The following GALK2 variants were observed in gnomAD, a reference collection of about 807,000 sequenced individuals.
The protein encoded by GALK2 is galactokinase 2.
Under a neutral mutation model 52.4 loss-of-function variants are expected in GALK2, and 36 were observed. The ratio of observed to expected loss-of-function variants is 0.69; its 90% CI spans 0.53 to 0.91. The LOEUF is 0.91. Among genes scored for constraint, GALK2 ranks in the 40% least tolerant of loss-of-function variants. The pLI, the probability that GALK2 is intolerant of heterozygous loss-of-function variation, is 0.00. For synonymous variants in GALK2, 176 were observed against 199.1 expected, an observed-to-expected ratio of 0.88 and a Z score of 0.98; for missense variants, 579 against 559.1, an observed-to-expected ratio of 1.04 and a Z score of -0.36.
intron 1 of GALK2, among the ~76,000 whole-genome samples, chr15:49,184,904 T>TA (rs1479360916): frequency 6.6e-6 from 1 of 152,220 alleles, no homozygotes; most frequent in Non-Finnish European, 1.5e-5. Flanking sequence ...ATGCCACAAT[T>TA]ATAGTGTTAC....
upstream of GALK2, among the ~76,000 whole-genome samples, chr15:49,169,435 C>T (rs1335880620): frequency 1.3e-5 from 2 of 152,034 alleles, no homozygotes; most frequent in African/African-American, 4.8e-5. Flanking sequence ...TTTCACCTTT[C>T]GTCGTTCATT....
At chr15:49,280,414 C>A (rs1217838429) in intron 5 of GALK2, among the ~76,000 whole-genome samples, 2 of 152,182 alleles carry the variant, frequency 1.3e-5, no homozygotes, top group African/African-American at 2.4e-5. Flanking sequence ...TTTGTAAAGA[C>A]AATGAGATGT....
chr15:49,170,993 A>G (rs2085038928), intron 1 of GALK2, among the ~76,000 whole-genome samples: 2 of 151,890 alleles, frequency 1.3e-5, no homozygotes, highest in South Asian at 4.1e-4. Context: ...GTCACCTGCT[A>G]CATTAGCGAA....
At chr15:49,284,024 G>A (rs529545231) in intron 7 of GALK2, among the ~76,000 whole-genome samples, 1 of 152,236 alleles carries the variant, frequency 6.6e-6, no homozygotes, top group African/African-American at 2.4e-5. Context: ...GACCACAGCT[G>A]GTCTTGTTTC....
At chr15:49,325,049 CCT>C (rs1456958705) in intron 9 of GALK2, among the ~76,000 whole-genome samples, 1 of 152,190 alleles carries the variant, frequency 6.6e-6, no homozygotes, top group African/African-American at 2.4e-5. Flanking sequence ...TCCTCCCCAC[CCT>C]CTCCATTGCT....
At chr15:49,241,348 A>G (rs985921813) in intron 5 of GALK2, among the ~76,000 whole-genome samples, 8 of 152,178 alleles carry the variant, frequency 5.3e-5, no homozygotes, top group African/African-American at 1.9e-4. Context: ...ACAGAGCCCC[A>G]AGAAACATGA....
intron 1 of GALK2, among the ~76,000 whole-genome samples, chr15:49,184,616 TTTTGTGTATCTG>T (rs1399267508): frequency 1.3e-5 from 2 of 152,238 alleles, no homozygotes; most frequent in Non-Finnish European, 2.9e-5. Context: ...GCTTTTTATT[TTTTGTGTATCTG>T]TTTTGTGTTT....
At chr15:49,209,889 C>T (rs540248643) in intron 2 of GALK2, among the ~76,000 whole-genome samples, 1 of 152,152 alleles carries the variant, frequency 6.6e-6, no homozygotes, top group Non-Finnish European at 1.5e-5. Flanking sequence ...AATTTTTTTG[C>T]AAGTCTGAAA....
At chr15:49,296,014 T>G (rs2034446721) in intron 8 of GALK2, among the ~76,000 whole-genome samples, 1 of 152,200 alleles carries the variant, frequency 6.6e-6, no homozygotes, top group South Asian at 2.1e-4. Flanking sequence ...TGCCTCTCTA[T>G]GTATATATTC....
chr15:49,156,973 T>G, intron 1 of GALK2: 1 of 308,842 alleles, frequency 3.2e-6, no homozygotes, highest in Non-Finnish European at 6.2e-6. Context: ...GAGCATCCTC[T>G]TAATATTTAT....
chr15:49,229,007 T>G (rs995750769), intron 3 of GALK2, among the ~76,000 whole-genome samples: 1 of 152,136 alleles, frequency 6.6e-6, no homozygotes, highest in Non-Finnish European at 1.5e-5. Flanking sequence ...ACTGAGCTTT[T>G]TAAATGTCAT....
At chr15:49,241,796 G>A (rs1017475206) in intron 5 of GALK2, among the ~76,000 whole-genome samples, 2 of 152,162 alleles carry the variant, frequency 1.3e-5, no homozygotes, top group African/African-American at 4.8e-5. Flanking sequence ...ACCTATCTAA[G>A]AAATAGGAAG....
chr15:49,308,122 C>T (rs1307625431), intron 8 of GALK2, among the ~76,000 whole-genome samples: 1 of 152,128 alleles, frequency 6.6e-6, no homozygotes, highest in Non-Finnish European at 1.5e-5. Context: ...AATTATATTG[C>T]TTAAATGCTC....
chr15:49,203,165 C>A (rs2087938074), intron 2 of GALK2, among the ~76,000 whole-genome samples: 1 of 152,124 alleles, frequency 6.6e-6, no homozygotes, highest in Non-Finnish European at 1.5e-5. Flanking sequence ...ATTCTCCTGC[C>A]TCGGCCTCCC....
At chr15:49,266,129 T>C (rs1398288633) in intron 5 of GALK2, among the ~76,000 whole-genome samples, 3 of 152,176 alleles carry the variant, frequency 2.0e-5, no homozygotes, top group African/African-American at 7.2e-5. Flanking sequence ...GCCGACATGA[T>C]AGGAGGCCTT....
intron 3 of GALK2, among the ~76,000 whole-genome samples, chr15:49,342,606 T>G (rs1357401826): frequency 6.6e-6 from 1 of 152,214 alleles, no homozygotes; most frequent in South Asian, 2.1e-4. Context: ...GTTTCTATTG[T>G]GTCATTGGTT....
intron 3 of GALK2, among the ~76,000 whole-genome samples, chr15:49,362,603 T>A (rs1042939880): frequency 6.6e-6 from 1 of 152,224 alleles, no homozygotes; most frequent in Non-Finnish European, 1.5e-5. Context: ...GGTCTTTTGC[T>A]GCGCAGAAGG....
chr15:49,319,824 G>A lies in GALK2; in HGVS notation c.1169+19G>A, dbSNP rs754647230. On this transcript the variant is annotated intron_variant, in intron 9 of 9. Coordinates refer to ENST00000560031, the MANE Select transcript of GALK2 (RefSeq NM_002044.4). ...TCTGTCGGTGAGGCAGCCTGGTGGG[G>A]GCCAAGGGATGCCATCAAATAATAT... The A allele has an allele frequency of 6.2e-7, 1 of 1,602,120 alleles. No individual in the cohort carries two copies. The highest frequency in any genetic ancestry group is 1.7e-5 in the Admixed American group (1 of 59,258).
chr15:49,282,767 T>G (rs972985296), intron 6 of GALK2, among the ~76,000 whole-genome samples: 1 of 152,214 alleles, frequency 6.6e-6, no homozygotes, highest in Non-Finnish European at 1.5e-5. Context: ...TTGGCTATTT[T>G]CCAAGAACAC....
Sources: allele counts gnomAD v4.1 joint callset (sites outside exome capture counted in the v4.1 genomes callset), GRCh38; gene constraint gnomAD v4.1.1; transcripts MANE v1.5; gene names NCBI Gene and HGNC (gene_info 2026-07-23, HGNC 2026-07-21).